YTHDF3: variants seen among roughly 807,000 people sequenced by gnomAD.
YTHDF3 encodes YTH N6-methyladenosine RNA binding protein F3, also known as YTH domain-containing family protein 3.
In YTHDF3, 9 loss-of-function variants were observed where a neutral mutation model predicts 52.5. The observed-to-expected ratio is 0.17, with a 90% CI of 0.10 to 0.30. The LOEUF is 0.30. Ranked by LOEUF, YTHDF3 falls within the 10% of genes least tolerant of loss-of-function variation. The probability of loss-of-function intolerance (pLI) is 1.00; values close to 1 mark genes in which losing one functional copy is unlikely to be tolerated. For missense variants in YTHDF3, 534 were observed against 715.0 expected (o/e 0.75, Z 2.89); for synonymous variants, 274 against 243.3 (o/e 1.13, Z -1.18).
Position 63,168,771 on chromosome 8 carries a change from GGCGGCTGGA to G in YTHDF3, c.-106_-98del. 6.5e-7 allele frequency: 1 copy of G among 1,546,628 alleles called. No homozygotes were observed. The highest frequency in any genetic ancestry group is 1.2e-5 in the South Asian group (1 of 83,924). Reference sequence around the variant, plus strand: ...GTTCTCAGCGAACGGCGGCAGCGGCGGCGGCTGGAACAATCACTCGGCCAAGGGCGACAG... The same window carrying G: ...GTTCTCAGCGAACGGCGGCAGCGGCGACAATCACTCGGCCAAGGGCGACAG... On this transcript the variant is annotated 5_prime_UTR_variant, in exon 1 of 5. Coordinates refer to ENST00000539294, the MANE Select transcript of YTHDF3 (RefSeq NM_152758.6).
chr8:63,209,120 G>A (rs1415208713), intron 4 of YTHDF3, among the ~76,000 whole-genome samples: 1 of 151,988 alleles, frequency 6.6e-6, no homozygotes, highest in African/African-American at 2.4e-5. Context: ...CACCTGTCTC[G>A]GCCTCCCAGA....
intron 4 of YTHDF3, among the ~76,000 whole-genome samples, chr8:63,192,387 A>T (rs1808969445): frequency 6.6e-6 from 1 of 152,040 alleles, no homozygotes; most frequent in Non-Finnish European, 1.5e-5. Flanking sequence ...AAATGTGGAG[A>T]TGGGAGAGTC....
intron 4 of YTHDF3, among the ~76,000 whole-genome samples, chr8:63,188,466 A>G (rs1352885046): frequency 2.7e-5 from 4 of 150,142 alleles, no homozygotes; most frequent in Non-Finnish European, 4.4e-5. Flanking sequence ...AGCTGGGACT[A>G]CGGTCACACA....
chr8:63,171,905 A>G (rs1292503263), intron 2 of YTHDF3, among the ~76,000 whole-genome samples: 3 of 152,186 alleles, frequency 2.0e-5, no homozygotes, highest in African/African-American at 7.2e-5. Flanking sequence ...TGACAGCTTT[A>G]GCCTAACACC....
At chr8:63,198,241 CCTTTT>C (rs1289451002) in intron 4 of YTHDF3, among the ~76,000 whole-genome samples, 4 of 152,106 alleles carry the variant, frequency 2.6e-5, no homozygotes, top group Non-Finnish European at 5.9e-5. Flanking sequence ...CCTTTCCTTT[CCTTTT>C]CCCTCCCCAC....
chr8:63,173,217 G>C (rs866519339), intron 2 of YTHDF3, among the ~76,000 whole-genome samples: 1,387 of 93,328 alleles, frequency 0.015, 41 homozygotes, highest in African/African-American at 0.094. Flanking sequence ...TATATATACA[G>C]ATAAATTTTA....
At chr8:63,177,522 C>G (rs185254315) in intron 3 of YTHDF3, among the ~76,000 whole-genome samples, 12 of 152,092 alleles carry the variant, frequency 7.9e-5, no homozygotes. Context: ...TCTCAGTTAA[C>G]GCTTATGGCA....
rs1810381690 is a variant in YTHDF3 at position 63,211,769 on chromosome 8, A to G, written c.*2063A>G. ...AGACTCAGACATGCGAATAAATGTA[A>G]TTGAGAGTCTATTCATGGTGAGGAG... On this transcript the variant is annotated 3_prime_UTR_variant, in exon 5 of 5. Transcript: ENST00000539294. 1 of 152,610 alleles carries G rather than the reference A, an allele frequency of 6.6e-6. No individual in the cohort carries two copies. Among genetic ancestry groups the G allele is most frequent in the Non-Finnish European group, 1.5e-5 (1 of 68,024 alleles). 9.5% of individuals were successfully genotyped at this position (152,610 alleles called of 1,614,324 possible).
chr8:63,205,860 G>T (rs971972577), intron 4 of YTHDF3, among the ~76,000 whole-genome samples: 1 of 152,036 alleles, frequency 6.6e-6, no homozygotes, highest in Non-Finnish European at 1.5e-5. Flanking sequence ...TAAATGTGGG[G>T]TTTTTTTGGT....
intron 3 of YTHDF3, among the ~76,000 whole-genome samples, chr8:63,181,101 A>G (rs535757112): frequency 1.6e-4 from 25 of 152,260 alleles, no homozygotes; most frequent in Admixed American, 2.6e-4. Context: ...ATTTGTGCAT[A>G]TAAATTTGAA....
intron 4 of YTHDF3, among the ~76,000 whole-genome samples, chr8:63,204,440 C>T (rs1405890823): frequency 6.6e-6 from 1 of 151,408 alleles, no homozygotes; most frequent in East Asian, 1.9e-4. Flanking sequence ...CGGGTCACCG[C>T]ACCCTCCACC....
chr8:63,193,759 G>A (rs1306198745), intron 4 of YTHDF3, among the ~76,000 whole-genome samples: 1 of 152,158 alleles, frequency 6.6e-6, no homozygotes, highest in Non-Finnish European at 1.5e-5. Context: ...GGGAATACGA[G>A]TCAGGACTAC....
At chr8:63,170,463 TTTTG>T (rs1375157590) in intron 2 of YTHDF3, among the ~76,000 whole-genome samples, 1 of 152,164 alleles carries the variant, frequency 6.6e-6, no homozygotes, top group East Asian at 1.9e-4. Context: ...TTAGGTAACA[TTTTG>T]TTTGTTTTCA....
At chr8:63,200,880 G>T (rs759709371) in intron 4 of YTHDF3, among the ~76,000 whole-genome samples, 4 of 152,156 alleles carry the variant, frequency 2.6e-5, no homozygotes, top group Non-Finnish European at 5.9e-5. Flanking sequence ...GGCATTCAGA[G>T]CCTAGGGTAT....
At chr8:63,202,372 C>CTAAGTATTATTAGCACTT (rs1384595169) in intron 4 of YTHDF3, among the ~76,000 whole-genome samples, 2 of 151,878 alleles carry the variant, frequency 1.3e-5, no homozygotes, top group African/African-American at 4.8e-5. Context: ...AGAAGCTTAT[C>CTAAGTATTATTAGCACTT]TAAGTATTAT....
chr8:63,169,126 T>G, intron 1 of YTHDF3: 1 of 1,415,500 alleles, frequency 7.1e-7, no homozygotes, highest in Non-Finnish European at 9.2e-7. Flanking sequence ...GGACCGGTCT[T>G]AGGGGCCTTA....
chr8:63,194,645 CTA>C (rs1809123166), intron 4 of YTHDF3, among the ~76,000 whole-genome samples: 1 of 152,104 alleles, frequency 6.6e-6, no homozygotes, highest in Non-Finnish European at 1.5e-5. Flanking sequence ...CCCCAGAAAA[CTA>C]TAGTGTTTTT....
At chr8:63,188,697 ATATATTTTTT>A (rs1397834032) in intron 4 of YTHDF3, 5 of 63,550 alleles carry the variant, frequency 7.9e-5, no homozygotes, top group African/African-American at 3.5e-4. Flanking sequence ...ATATATATAT[ATATATTTTTT>A]TTTTTTTTTT....
chr8:63,195,607 A>G (rs775338181), intron 4 of YTHDF3, among the ~76,000 whole-genome samples: 1 of 152,198 alleles, frequency 6.6e-6, no homozygotes, highest in East Asian at 1.9e-4. Flanking sequence ...AGAATACAGG[A>G]AACAATAATC....
Sources: gnomAD v4.1 joint callset for allele counts (sites outside exome capture counted in the v4.1 genomes callset) on GRCh38, gnomAD v4.1.1 for gene constraint, MANE v1.5 for transcripts, NCBI Gene and HGNC (gene_info 2026-07-23, HGNC 2026-07-21) for gene names.